The following ALDH5A1 variants were observed in gnomAD, a reference collection of about 807,000 sequenced individuals.
The protein encoded by ALDH5A1 is succinate-semialdehyde dehydrogenase, mitochondrial.
A neutral mutation model predicts 54.7 loss-of-function variants in ALDH5A1; 33 were observed. That is an observed-to-expected ratio of 0.60 (90% CI 0.46 to 0.81). The LOEUF (loss-of-function observed/expected upper bound fraction) is 0.81. ALDH5A1 is among the 30% of genes least tolerant of loss of function. ALDH5A1 has a pLI of 0.00. For missense variants in ALDH5A1, 657 were observed against 711.0 expected (o/e 0.92, Z 0.86); for synonymous variants, 294 against 292.7 (o/e 1.00, Z -0.05).
chr6:24,529,650 G>T (rs567541874), intron 8 of ALDH5A1, among the ~76,000 whole-genome samples: 32 of 126,798 alleles, frequency 2.5e-4, no homozygotes, highest in African/African-American at 8.4e-4. Flanking sequence ...CTTTAATACG[G>T]TTTTTTTGTT....
chr6:24,496,076 A>AT (rs2127379581), intron 1 of ALDH5A1, among the ~76,000 whole-genome samples: 1 of 152,172 alleles, frequency 6.6e-6, no homozygotes, highest in South Asian at 2.1e-4. Flanking sequence ...ACGCAGTGAA[A>AT]TTTTTTACCG....
intron 7 of ALDH5A1, 49 bp downstream of exon 7, chr6:24,522,974 G>T: frequency 7.9e-7 from 1 of 1,264,426 alleles, no homozygotes. Flanking sequence ...GTTTCAATAT[G>T]AAAAGCTTAA....
At position 24,520,635 on chromosome 6, in the gene ALDH5A1, TGTGTGTGTGTGTGC is replaced by T. The variant is rs745949084; in HGVS notation, c.1014+104_1014+117del. The T allele has an allele frequency of 2.3e-4, 293 of 1,289,252 alleles. 1 individual carries two copies. The highest frequency in any genetic ancestry group is 3.5e-4 in the Admixed American group (17 of 48,210). 79.9% of individuals were successfully genotyped at this position (1,289,252 alleles called of 1,614,324 possible). A position where few individuals can be genotyped will look rare whatever the true frequency, so the allele number is the denominator to read the frequency against. On this transcript the variant is annotated intron_variant, in intron 6 of 9. Transcript: ENST00000357578. ...TGTGTGTGATATGTGTGCATGTGAG[TGTGTGTGTGTGTGC>T]GTGTGTGTGTGTTACAAAGATCCCA...
chr6:24,506,996 G>A (rs1759371662), intron 4 of ALDH5A1, among the ~76,000 whole-genome samples: 1 of 152,134 alleles, frequency 6.6e-6, no homozygotes, highest in African/African-American at 2.4e-5. Context: ...ACATTTAGTT[G>A]CCTTGTCTCC....
chr6:24,503,305 G>A lies in ALDH5A1; in HGVS notation c.481G>A (p.Ala161Thr), dbSNP rs139486423. The change falls in exon 3 of 10, where the codon GCC (alanine) becomes ACC (threonine). Residue 161 changes from alanine to threonine, a missense_variant. Physicochemically the swap from Ala to Thr is moderately conservative, Grantham distance 58. Coordinates refer to ENST00000357578, the MANE Select transcript of ALDH5A1 (RefSeq NM_001080.3). Reference sequence around the variant, plus strand: ...GGCACATGGAGAAATTCTCTATTCCGCCTTTTTCCTAGAGTGGTTCTCTGA... The same window carrying A: ...GGCACATGGAGAAATTCTCTATTCCACCTTTTTCCTAGAGTGGTTCTCTGA... Reference protein sequence around the residue: ...KEAHGEILYSAFFLEWFSEEA... With the variant: ...KEAHGEILYSTFFLEWFSEEA... 9 of 1,614,052 alleles carry A rather than the reference G, an allele frequency of 5.6e-6. No homozygotes were observed. The highest frequency in any genetic ancestry group is 1.7e-5 in the Admixed American group (1 of 60,014).
At chr6:24,524,009 G>A (rs1025940931) in intron 7 of ALDH5A1, among the ~76,000 whole-genome samples, 57 of 136,518 alleles carry the variant, frequency 4.2e-4, no homozygotes, top group African/African-American at 1.5e-3. Flanking sequence ...TTTTTGAGAC[G>A]GCGTCTCGCT....
chr6:24,500,470 G>T (rs1764797856), intron 1 of ALDH5A1, among the ~76,000 whole-genome samples: 1 of 151,946 alleles, frequency 6.6e-6, no homozygotes, highest in Non-Finnish European at 1.5e-5. Flanking sequence ...ACCTAGAGTT[G>T]TCAGATTCAT....
chr6:24,504,915 TGGCAGCC>T lies in ALDH5A1; in HGVS notation c.660_666del (p.Ala221ValfsTer5), dbSNP rs2127382929. 1 of 1,614,216 alleles carries T rather than the reference TGGCAGCC, an allele frequency of 6.2e-7. No individual in the cohort carries two copies. Among genetic ancestry groups the T allele is most frequent in the Non-Finnish European group, 8.5e-7 (1 of 1,180,038 alleles). ...ATCACCCGGAAGGTGGGGGCCGCCCTGGCAGCCGGCTGTACTGTCGTGGTGAAGCCTG... is the reference window on the plus strand; with the variant it reads ...ATCACCCGGAAGGTGGGGGCCGCCCTGGCTGTACTGTCGTGGTGAAGCCTG... On this transcript the variant is annotated frameshift_variant, in exon 4 of 10. Coordinates refer to ENST00000357578, the MANE Select transcript of ALDH5A1 (RefSeq NM_001080.3). LOFTEE classifies it high-confidence loss of function.
chr6:24,520,664 C>A, intron 6 of ALDH5A1, 120 bp downstream of exon 6: 1 of 1,420,272 alleles, frequency 7.0e-7, no homozygotes, highest in Non-Finnish European at 9.6e-7. Flanking sequence ...GTGTGTGTTA[C>A]AAAGATCCCA....
chr6:24,536,148 T>A lies in ALDH5A1; in HGVS notation c.*2436T>A, dbSNP rs1285684350. ...AAAGTAGCCATATGTAACGGGATTT[T>A]AAAAATATATACATTTTACAACATG... is the stretch of plus-strand genomic sequence containing the variant. On this transcript the variant is annotated 3_prime_UTR_variant, in exon 10 of 10. Coordinates refer to ENST00000357578, the MANE Select transcript of ALDH5A1 (RefSeq NM_001080.3). 6.6e-6 allele frequency: 1 copy of A among 152,214 alleles called. No individual in the cohort carries two copies. Among genetic ancestry groups the A allele is most frequent in the East Asian group, 1.9e-4 (1 of 5,198 alleles). The allele number at this position is 152,214 out of a possible 1,614,324, so 9.4% of individuals were successfully genotyped here.
In ALDH5A1 at chr6:24,502,545, AGT is replaced by A. The variant is rs2127382173; in HGVS notation, c.379_380del (p.Trp127ValfsTer8). 1 of 1,613,146 alleles carries A rather than the reference AGT, an allele frequency of 6.2e-7. No homozygotes were observed. The highest frequency in any genetic ancestry group is 1.7e-5 in the Admixed American group (1 of 60,026). ...CAGGAGAGGAGTTCATTACTTCGGAAGTGGTACAATTTAATGATACAAAATAA... is the reference window on the plus strand; with the variant it reads ...CAGGAGAGGAGTTCATTACTTCGGAAGGTACAATTTAATGATACAAAATAA... On this transcript the variant is annotated frameshift_variant, in exon 2 of 10. Coordinates refer to ENST00000357578, the MANE Select transcript of ALDH5A1 (RefSeq NM_001080.3). LOFTEE classifies it high-confidence loss of function.
At chr6:24,512,076 C>A (rs145894590) in intron 4 of ALDH5A1, among the ~76,000 whole-genome samples, 1 of 152,104 alleles carries the variant, frequency 6.6e-6, no homozygotes, top group Non-Finnish European at 1.5e-5. Context: ...TCCTGAGAGC[C>A]GAGCTGTAGT....
At chr6:24,507,081 A>G (rs1759372967) in intron 4 of ALDH5A1, among the ~76,000 whole-genome samples, 4 of 152,226 alleles carry the variant, frequency 2.6e-5, no homozygotes, top group Admixed American at 2.6e-4. Context: ...CAAAACTACA[A>G]CCATTACATG....
intron 4 of ALDH5A1, chr6:24,511,815 T>A: frequency 1.9e-6 from 1 of 519,800 alleles, no homozygotes; most frequent in Non-Finnish European, 3.5e-6. Context: ...AATAACTATC[T>A]GAATTCTTTT....
At chr6:24,497,268 C>CT (rs1024022290) in intron 1 of ALDH5A1, among the ~76,000 whole-genome samples, 3 of 152,158 alleles carry the variant, frequency 2.0e-5, no homozygotes, top group Non-Finnish European at 2.9e-5. Context: ...ATCAGAATGC[C>CT]TTTTTTTCAA....
At chr6:24,507,043 T>A (rs1759372522) in intron 4 of ALDH5A1, among the ~76,000 whole-genome samples, 1 of 152,226 alleles carries the variant, frequency 6.6e-6, no homozygotes, top group Admixed American at 6.5e-5. Context: ...GTCTGTATTT[T>A]AAAATAGTTA....
chr6:24,533,570 T>C lies in ALDH5A1; in HGVS notation c.1466T>C (p.Met489Thr). Residue 489 changes from methionine to threonine, a missense_variant, in exon 10 of 10, where the codon ATG becomes ACG. This residue lies in a region of ALDH5A1 where 425 missense variants were observed against 516.4 expected (regional missense o/e 0.82). Transcript: ENST00000357578. ...GTGGCAGAGCAGCTGGAAGTGGGCA[T>C]GGTTGGCGTCAACGAAGGATTAATT... ...WRVAEQLEVGMVGVNEGLISS... is the reference protein window; with the variant it reads ...WRVAEQLEVGTVGVNEGLISS... 1 of 1,614,164 alleles carries C rather than the reference T, an allele frequency of 6.2e-7. No homozygotes were observed. The highest frequency in any genetic ancestry group is 8.5e-7 in the Non-Finnish European group (1 of 1,180,024).
intron 7 of ALDH5A1, among the ~76,000 whole-genome samples, chr6:24,525,684 G>A (rs1759785907): frequency 6.6e-6 from 1 of 152,126 alleles, no homozygotes; most frequent in African/African-American, 2.4e-5. Flanking sequence ...CCCCAGCCCA[G>A]CCTGAGCAAC....
At chr6:24,526,972 G>GTATATATATATATATATA (rs1459778389) in intron 7 of ALDH5A1, among the ~76,000 whole-genome samples, 1 of 8,346 alleles carries the variant, frequency 1.2e-4, no homozygotes, top group Non-Finnish European at 6.3e-4. Context: ...ATATGTGTGT[G>GTATATATATATATATATA]TGTATATATA....
Sources: gnomAD v4.1 joint callset for allele counts (sites outside exome capture counted in the v4.1 genomes callset) on GRCh38, gnomAD v4.1.1 for gene constraint, gnomAD v4.1.1 regional missense constraint, MANE v1.5 for transcripts, NCBI Gene and HGNC (gene_info 2026-07-23, HGNC 2026-07-21) for gene names.